The following SV2B variants were observed in gnomAD, a reference collection of about 807,000 sequenced individuals.
SV2B encodes the protein synaptic vesicle glycoprotein 2B, also known as solute carrier family 22 member B2.
A neutral mutation model predicts 73.9 loss-of-function variants in SV2B; 41 were observed. That is an observed-to-expected ratio of 0.56 (90% CI 0.43 to 0.72). The LOEUF is 0.72. Among genes scored for constraint, SV2B ranks in the 30% least tolerant of loss-of-function variants. The probability of loss-of-function intolerance (pLI) is 0.00; values close to 1 mark genes in which losing one functional copy is unlikely to be tolerated. For synonymous variants in SV2B, 314 were observed against 314.2 expected, an observed-to-expected ratio of 1.00 and a Z score of 0.01; for missense variants, 764 against 857.8, an observed-to-expected ratio of 0.89 and a Z score of 1.37.
chr15:91,252,281 T>G lies in SV2B; in HGVS notation c.633-88T>G, dbSNP rs757026547. On this transcript the variant is annotated intron_variant, in intron 3 of 12. Transcript: ENST00000394232. This position sits in a 1 kb window ranked among gnomAD's most constrained non-coding sequence, Gnocchi z 4.6. Reference sequence around the variant, plus strand: ...CACTGGGTCCTTTCACCACAGAGCCTAAGGTGGGGTATAGGCAACTTGGTT... The same window carrying G: ...CACTGGGTCCTTTCACCACAGAGCCGAAGGTGGGGTATAGGCAACTTGGTT... 8.9e-4 allele frequency: 1,339 copies of G among 1,510,484 alleles called. 1 individual carries two copies. The highest frequency in any genetic ancestry group is 1.1e-3 in the Non-Finnish European group (1,245 of 1,120,806). 93.6% of individuals were successfully genotyped at this position (1,510,484 alleles called of 1,614,324 possible).
At chr15:91,218,362 A>G (rs1401227261) in intron 1 of SV2B, among the ~76,000 whole-genome samples, 1 of 152,154 alleles carries the variant, frequency 6.6e-6, no homozygotes, top group Non-Finnish European at 1.5e-5. Flanking sequence ...TTTATGACCT[A>G]CTTTAGAGGA....
rs777894881 is a variant in SV2B at position 91,284,233 on chromosome 15, G to A, written c.1708+12G>A. On this transcript the variant is annotated intron_variant, in intron 11 of 12. Coordinates refer to ENST00000394232, the MANE Select transcript of SV2B (RefSeq NM_001323032.3). The surrounding 1 kb of genome is among the most constrained non-coding windows in gnomAD (Gnocchi z 4.5). ...GCTCAAGATGATTGGTGAGTTGCCA[G>A]CAGGGTCATTCCTGGGTTCCAACGC... 4 of 1,613,914 alleles carry A rather than the reference G, an allele frequency of 2.5e-6. No homozygotes were observed. The highest frequency in any genetic ancestry group is 4.5e-5 in the East Asian group (2 of 44,890).
Position 91,253,139 on chromosome 15 carries a change from G to A in SV2B, c.784+619G>A, listed in dbSNP as rs1210730397. On this transcript the variant is annotated intron_variant, in intron 4 of 12. Transcript: ENST00000394232. This position sits in a 1 kb window ranked among gnomAD's most constrained non-coding sequence, Gnocchi z 5.0. ...ACACTATTCTCTGGACAGAGACCTG[G>A]CAACATCAACTTTTACTACTGGTTT... is the stretch of plus-strand genomic sequence containing the variant. Among the ~76,000 whole-genome samples the A allele has an allele frequency of 6.6e-6, 1 of 152,208 alleles. No homozygotes were observed. The highest frequency in any genetic ancestry group is 1.5e-5 in the Non-Finnish European group (1 of 68,032).
Position 91,186,762 on chromosome 15 carries a change from T to C in SV2B, c.-391-39111T>C, listed in dbSNP as rs79638795. On this transcript the variant is annotated intron_variant, in intron 1 of 12. Coordinates refer to ENST00000394232, the MANE Select transcript of SV2B (RefSeq NM_001323032.3). ...GTGAGAAATTATGTAATGAGTACAATGTACACTATTTGGGTAATGGCTACA... is the reference window on the plus strand; with the variant it reads ...GTGAGAAATTATGTAATGAGTACAACGTACACTATTTGGGTAATGGCTACA... Among the ~76,000 whole-genome samples, 123 of 152,294 alleles carry C rather than the reference T, an allele frequency of 8.1e-4. 1 individual carries two copies. The highest frequency in any genetic ancestry group is 2.8e-3 in the African/African-American group (117 of 41,556).
chr15:91,162,654 A>G (rs2043763266), intron 1 of SV2B, among the ~76,000 whole-genome samples: 1 of 152,210 alleles, frequency 6.6e-6, no homozygotes, highest in Admixed American at 6.5e-5. Flanking sequence ...GGAAGCTCTG[A>G]GGGAAAAATC....
intron 1 of SV2B, among the ~76,000 whole-genome samples, chr15:91,131,351 C>T (rs2042641608): frequency 1.3e-5 from 2 of 150,824 alleles, no homozygotes; most frequent in South Asian, 4.2e-4. Context: ...CATTGACAAG[C>T]AGGACTGGGG....
rs777392335 is a variant in SV2B, at chr15:91,268,772, C to A, written c.1373+167C>A. 6.6e-6 allele frequency among the ~76,000 whole-genome samples: 1 copy of A among 152,172 alleles called. No individual in the cohort carries two copies. Among genetic ancestry groups the A allele is most frequent in the Non-Finnish European group, 1.5e-5 (1 of 68,028 alleles). On this transcript the variant is annotated intron_variant, in intron 9 of 12. Transcript: ENST00000394232. The surrounding 1 kb of genome is among the most constrained non-coding windows in gnomAD (Gnocchi z 4.4). ...GGCTGCCAGTGACGCCATAGCTCCCCTAGTGGCTGTGTCTGTGTTGTGCTG... is the reference window on the plus strand; with the variant it reads ...GGCTGCCAGTGACGCCATAGCTCCCATAGTGGCTGTGTCTGTGTTGTGCTG...
chr15:91,164,267 A>T (rs2141258477), intron 1 of SV2B, among the ~76,000 whole-genome samples: 1 of 152,332 alleles, frequency 6.6e-6, no homozygotes, highest in South Asian at 2.1e-4. Context: ...TTTATGTGGA[A>T]CCAAAAAAGA....
intron 1 of SV2B, among the ~76,000 whole-genome samples, chr15:91,181,973 C>T (rs1177695066): frequency 6.6e-6 from 1 of 152,038 alleles, no homozygotes; most frequent in Non-Finnish European, 1.5e-5. Context: ...ACATGTTAGG[C>T]ATTTTTAAAA....
intron 1 of SV2B, among the ~76,000 whole-genome samples, chr15:91,114,951 G>A (rs1252216851): frequency 1.3e-5 from 2 of 152,160 alleles, no homozygotes; most frequent in Non-Finnish European, 2.9e-5. Flanking sequence ...TGCTCAGTTC[G>A]TGATGCACAA....
intron 1 of SV2B, among the ~76,000 whole-genome samples, chr15:91,146,605 G>A (rs28421189): frequency 0.37 from 56,066 of 151,934 alleles, 10,599 homozygotes; most frequent in Admixed American, 0.4. Flanking sequence ...TTAGGTTTGT[G>A]TCATCTCTGA....
rs1040795124 is a variant in SV2B, at chr15:91,236,963, G to C, written c.451+10249G>C. ...CTGGATTTTTTTTTTTAACCTGTTG[G>C]CTTGGAAAGAGATCTTGAGAGAGAA... On this transcript the variant is annotated intron_variant, in intron 2 of 12. Coordinates refer to ENST00000394232, the MANE Select transcript of SV2B (RefSeq NM_001323032.3). The surrounding 1 kb of genome is among the most constrained non-coding windows in gnomAD (Gnocchi z 4.1). Among the ~76,000 whole-genome samples the C allele has an allele frequency of 6.6e-6, 1 of 151,852 alleles. No individual in the cohort carries two copies. Among genetic ancestry groups the C allele is most frequent in the Non-Finnish European group, 1.5e-5 (1 of 67,980 alleles).
intron 9 of SV2B, among the ~76,000 whole-genome samples, chr15:91,272,241 C>A (rs1266611998): frequency 1.3e-5 from 2 of 152,158 alleles, no homozygotes; most frequent in East Asian, 3.8e-4. Context: ...ATGTTTTAAA[C>A]CCTGAGCCAA....
intron 1 of SV2B, among the ~76,000 whole-genome samples, chr15:91,206,667 G>A (rs558229742): frequency 6.6e-6 from 1 of 152,216 alleles, no homozygotes; most frequent in Non-Finnish European, 1.5e-5. Context: ...GTTTGGGGTG[G>A]GTGTCCATTA....
In SV2B at chr15:91,297,860, T is replaced by C. The variant is rs1264418879; in HGVS notation, c.*5308T>C. Reference sequence around the variant, plus strand: ...CCTGTCCTTATGGGCCTGTGTCTGGTTGCAGGGCTTGAAGTATTTCGGAAG... The same window carrying C: ...CCTGTCCTTATGGGCCTGTGTCTGGCTGCAGGGCTTGAAGTATTTCGGAAG... On this transcript the variant is annotated 3_prime_UTR_variant, in exon 13 of 13. Coordinates refer to ENST00000394232, the MANE Select transcript of SV2B (RefSeq NM_001323032.3). This position sits in a 1 kb window ranked among gnomAD's most constrained non-coding sequence, Gnocchi z 5.1. The C allele has an allele frequency of 6.6e-6, 1 of 152,268 alleles. No homozygotes were observed. Among genetic ancestry groups the C allele is most frequent in the East Asian group, 1.9e-4 (1 of 5,198 alleles). The allele number at this position is 152,268 out of a possible 1,614,324, so 9.4% of individuals were successfully genotyped here.
chr15:91,112,795 C>T (rs1042716064), intron 1 of SV2B, among the ~76,000 whole-genome samples: 1 of 152,124 alleles, frequency 6.6e-6, no homozygotes, highest in African/African-American at 2.4e-5. Context: ...ATAATCCCCA[C>T]CATTTATGTA....
intron 1 of SV2B, among the ~76,000 whole-genome samples, chr15:91,125,794 A>AAAAAAAAAAAT (rs2042463782): frequency 6.6e-6 from 1 of 150,680 alleles, no homozygotes; most frequent in African/African-American, 2.4e-5. Flanking sequence ...AAAAAAAAAA[A>AAAAAAAAAAAT]AAAAAATTCA....
intron 1 of SV2B, among the ~76,000 whole-genome samples, chr15:91,153,566 A>G (rs1334467300): frequency 6.6e-6 from 1 of 152,106 alleles, no homozygotes; most frequent in African/African-American, 2.4e-5. Flanking sequence ...GAAAACTGTT[A>G]GCTCCATGTC....
chr15:91,188,115 T>A (rs901016083), intron 1 of SV2B, among the ~76,000 whole-genome samples: 3 of 151,976 alleles, frequency 2.0e-5, no homozygotes, highest in Non-Finnish European at 2.9e-5. Context: ...CATCTTATTT[T>A]AAAATGAATA....
Sources: allele counts gnomAD v4.1 joint callset (sites outside exome capture counted in the v4.1 genomes callset), GRCh38; gene constraint gnomAD v4.1.1; non-coding constraint Gnocchi (gnomAD v3.1); transcripts MANE v1.5; gene names NCBI Gene and HGNC (gene_info 2026-07-23, HGNC 2026-07-21).